The following SPTBN1 variants were observed in gnomAD, a reference collection of about 807,000 sequenced individuals.
The protein encoded by SPTBN1 is spectrin beta chain, non-erythrocytic 1.
Under a neutral mutation model 266.4 loss-of-function variants are expected in SPTBN1, and 32 were observed. The observed-to-expected ratio is 0.12, with a 90% CI of 0.09 to 0.16. The LOEUF (loss-of-function observed/expected upper bound fraction) is 0.16, where lower values mean the gene tolerates loss of function less well. Ranked by LOEUF, SPTBN1 falls within the 10% of genes least tolerant of loss-of-function variation. SPTBN1 has a pLI of 1.00. For synonymous variants in SPTBN1, 1,336 were observed against 1,162.2 expected (o/e 1.15, Z -3.04); for missense variants, 2,296 against 3,067.1 (o/e 0.75, Z 5.94).
chr2:54,568,370 A>G lies in SPTBN1; in HGVS notation c.149-30722A>G, dbSNP rs13386137. Among the ~76,000 whole-genome samples the G allele has an allele frequency of 6.4e-3, 866 of 136,280 alleles. 5 individuals carry two copies. Among genetic ancestry groups the G allele is most frequent in the South Asian group, 0.036 (151 of 4,168 alleles). The allele number at this position is 136,280 out of a possible 152,430, so 89.4% of individuals were successfully genotyped here. ...GTCTCAAAAAAAAAAAAAAAAAAAA[A>G]AAGAAGAAGAAGCACTGCCTTGGAA... On this transcript the variant is annotated intron_variant, in intron 2 of 35. Coordinates refer to ENST00000356805, the MANE Select transcript of SPTBN1 (RefSeq NM_003128.3).
intron 2 of SPTBN1, among the ~76,000 whole-genome samples, chr2:54,587,565 G>T (rs1399802867): frequency 6.6e-6 from 1 of 152,156 alleles, no homozygotes; most frequent in African/African-American, 2.4e-5. Flanking sequence ...GCCCACCTTG[G>T]ATTGAAGTCC....
intron 2 of SPTBN1, among the ~76,000 whole-genome samples, chr2:54,566,680 A>C (rs62134676): frequency 0.15 from 22,647 of 151,770 alleles, 1,757 homozygotes; most frequent in Middle Eastern, 0.25. Flanking sequence ...AAAATACAAA[A>C]ATTACCTGGG....
intron 1 of SPTBN1, among the ~76,000 whole-genome samples, chr2:54,465,278 C>T (rs1333213825): frequency 6.6e-6 from 1 of 152,104 alleles, no homozygotes; most frequent in African/African-American, 2.4e-5. Flanking sequence ...GACCAGGGTT[C>T]TTTGGTATTT....
intron 12 of SPTBN1, among the ~76,000 whole-genome samples, chr2:54,627,171 T>C (rs1434224853): frequency 6.6e-6 from 1 of 152,236 alleles, no homozygotes; most frequent in Non-Finnish European, 1.5e-5. Context: ...CAAAGTCATC[T>C]GATACCATCA....
At chr2:54,526,331 C>T (rs1451050564) in intron 1 of SPTBN1, 41 bp from the exon 2 acceptor site, 5 of 1,531,234 alleles carry the variant, frequency 3.3e-6, no homozygotes, top group African/African-American at 1.4e-5. Flanking sequence ...GGACTGTATA[C>T]ACTTCAGACG....
chr2:54,575,723 A>G (rs1674414328), intron 2 of SPTBN1, among the ~76,000 whole-genome samples: 2 of 152,360 alleles, frequency 1.3e-5, no homozygotes, highest in Admixed American at 1.3e-4. Context: ...TTATGATGCA[A>G]TTAAGCAGTG....
At chr2:54,656,048 T>C in intron 29 of SPTBN1, 50 bp downstream of exon 29, 1 of 1,484,524 alleles carries the variant, frequency 6.7e-7, no homozygotes, top group Non-Finnish European at 9.3e-7. Flanking sequence ...ATGGAAAACA[T>C]GCACGTTTAT....
chr2:54,495,177 G>T (rs949695860), intron 1 of SPTBN1, among the ~76,000 whole-genome samples: 1 of 152,184 alleles, frequency 6.6e-6, no homozygotes, highest in African/African-American at 2.4e-5. Context: ...TTGCAGGTGT[G>T]TGGCAGAGGT....
At chr2:54,660,809 C>G in intron 32 of SPTBN1, 1 of 985,426 alleles carries the variant, frequency 1.0e-6, no homozygotes, top group Non-Finnish European at 1.2e-6. Flanking sequence ...TGACTGCTGC[C>G]GCCACCTCTG....
chr2:54,516,818 T>C (rs1670132498), intron 1 of SPTBN1, among the ~76,000 whole-genome samples: 1 of 152,234 alleles, frequency 6.6e-6, no homozygotes, highest in Non-Finnish European at 1.5e-5. Context: ...GTGGTCAGGG[T>C]ACAGCTTGCT....
intron 1 of SPTBN1, chr2:54,516,371 A>G (rs1670109782): frequency 6.6e-6 from 1 of 152,218 alleles, no homozygotes; most frequent in African/African-American, 2.4e-5. Flanking sequence ...TGTAATTTTT[A>G]GCTGTGTTAG....
chr2:54,665,434 C>T (rs1329999308), intron 33 of SPTBN1, among the ~76,000 whole-genome samples: 1 of 152,210 alleles, frequency 6.6e-6, no homozygotes, highest in African/African-American at 2.4e-5. Context: ...TATTCTAATT[C>T]ACCCAAAGGT....
At chr2:54,467,028 T>C (rs1573207070) in intron 1 of SPTBN1, among the ~76,000 whole-genome samples, 1 of 152,220 alleles carries the variant, frequency 6.6e-6, no homozygotes, top group East Asian at 1.9e-4. Flanking sequence ...GACAGAAACA[T>C]TGTCCAGGAG....
intron 1 of SPTBN1, among the ~76,000 whole-genome samples, chr2:54,467,661 A>T (rs1231576891): frequency 2.0e-5 from 3 of 152,318 alleles, no homozygotes; most frequent in Admixed American, 6.5e-5. Context: ...CTGGGATTAC[A>T]GGCGTGAGCC....
Position 54,629,696 on chromosome 2 carries a change from G to C in SPTBN1, c.2562G>C (p.Met854Ile). The change falls in exon 14 of 36, where the codon ATG (methionine) becomes ATC (isoleucine). Residue 854 changes from methionine to isoleucine, a missense_variant. Met to Ile is a conservative substitution (Grantham distance 10). Transcript: ENST00000356805. Reference protein sequence around the residue: ...ALQDTLALYKMFSEADACELW... With the variant: ...ALQDTLALYKIFSEADACELW... ...AGGACACTCTGGCCCTGTACAAGAT[G>C]TTCAGCGAGGCTGATGCCTGTGAGC... 2 of 1,613,682 alleles carry C rather than the reference G, an allele frequency of 1.2e-6. No individual in the cohort carries two copies. Among genetic ancestry groups the C allele is most frequent in the Non-Finnish European group, 1.7e-6 (2 of 1,180,026 alleles).
intron 2 of SPTBN1, among the ~76,000 whole-genome samples, chr2:54,589,120 T>G (rs1292800005): frequency 1.3e-5 from 2 of 152,202 alleles, no homozygotes; most frequent in African/African-American, 4.8e-5. Flanking sequence ...ACAATTAACT[T>G]ATTATTGATT....
At chr2:54,644,689 T>A (rs768700126) in intron 20 of SPTBN1, 103 bp downstream of exon 20, 47 of 1,452,982 alleles carry the variant, frequency 3.2e-5, no homozygotes, top group Non-Finnish European at 4.2e-5. Context: ...CCACCTTCCA[T>A]GGGAAGGCAT....
At chr2:54,548,233 A>G (rs1482040801) in intron 2 of SPTBN1, among the ~76,000 whole-genome samples, 1 of 152,180 alleles carries the variant, frequency 6.6e-6, no homozygotes, top group Non-Finnish European at 1.5e-5. Flanking sequence ...TCCTCAGGAC[A>G]CCATAAGAAT....
chr2:54,605,956 G>A (rs1055192602), intron 3 of SPTBN1, among the ~76,000 whole-genome samples: 1 of 152,128 alleles, frequency 6.6e-6, no homozygotes, highest in Non-Finnish European at 1.5e-5. Flanking sequence ...TCTTCAACCT[G>A]CGTGAATGTG....
Sources: gnomAD v4.1 joint callset for allele counts (sites outside exome capture counted in the v4.1 genomes callset) on GRCh38, gnomAD v4.1.1 for gene constraint, MANE v1.5 for transcripts, NCBI Gene and HGNC (gene_info 2026-07-23, HGNC 2026-07-21) for gene names.